Variants in FOXN3 observed in about 807,000 individuals in gnomAD.
FOXN3 encodes forkhead box protein N3.
In FOXN3, 7 loss-of-function variants were observed where a neutral mutation model predicts 38.4. The ratio of observed to expected loss-of-function variants is 0.18; its 90% CI spans 0.10 to 0.34. FOXN3 has a LOEUF of 0.34. Among genes scored for constraint, FOXN3 ranks in the 10% least tolerant of loss-of-function variants. The pLI, the probability that FOXN3 is intolerant of heterozygous loss-of-function variation, is 1.00. For missense variants in FOXN3, 456 were observed against 613.4 expected (o/e 0.74, Z 2.71); for synonymous variants, 230 against 242.2 (o/e 0.95, Z 0.47).
At chr14:89,539,171 G>C (rs7143042) in intron 1 of FOXN3, among the ~76,000 whole-genome samples, 2,527 of 152,172 alleles carry the variant, frequency 0.017, 78 homozygotes, top group African/African-American at 0.058. Flanking sequence ...TAAAAATTTA[G>C]TTGTATAATA....
chr14:89,238,529 C>T (rs539841878), intron 4 of FOXN3, among the ~76,000 whole-genome samples: 173 of 152,126 alleles, frequency 1.1e-3, no homozygotes, highest in Non-Finnish European at 2.1e-3. Context: ...GAGGAGTGTT[C>T]GGCAGCCTAC....
chr14:89,344,052 G>A (rs1326478992), intron 3 of FOXN3, among the ~76,000 whole-genome samples: 4 of 152,226 alleles, frequency 2.6e-5, no homozygotes, highest in East Asian at 3.9e-4. Context: ...GTGAGCCACC[G>A]CATCGAGCCG....
At chr14:89,448,451 C>T (rs929376189) in intron 1 of FOXN3, among the ~76,000 whole-genome samples, 3 of 151,964 alleles carry the variant, frequency 2.0e-5, no homozygotes, top group Admixed American at 2.0e-4. Flanking sequence ...ACCCTCCCTG[C>T]ACCACACCAT....
intron 2 of FOXN3, among the ~76,000 whole-genome samples, chr14:89,372,636 T>C (rs1890354179): frequency 1.3e-5 from 2 of 152,152 alleles, no homozygotes; most frequent in Admixed American, 1.3e-4. Context: ...CCACTGTTGT[T>C]ATTTACTAGG....
chr14:89,522,840 TAGTC>T (rs1018512422), intron 1 of FOXN3, among the ~76,000 whole-genome samples: 1 of 151,812 alleles, frequency 6.6e-6, no homozygotes, highest in Non-Finnish European at 1.5e-5. Flanking sequence ...AATAACAAGT[TAGTC>T]AGTTTAAACC....
intron 1 of FOXN3, among the ~76,000 whole-genome samples, chr14:89,495,336 A>C (rs1893658187): frequency 6.6e-6 from 1 of 152,252 alleles, no homozygotes; most frequent in Admixed American, 6.5e-5. Flanking sequence ...TGGCAAAATT[A>C]GCCTAGAAAA....
intron 5 of FOXN3, among the ~76,000 whole-genome samples, chr14:89,178,469 C>G (rs1887583339): frequency 6.6e-6 from 1 of 152,184 alleles, no homozygotes; most frequent in African/African-American, 2.4e-5. Context: ...ATTAAAGTCT[C>G]TCTGTTCAAT....
intron 4 of FOXN3, chr14:89,190,504 G>A: frequency 7.0e-7 from 1 of 1,433,042 alleles, no homozygotes; most frequent in Non-Finnish European, 9.8e-7. Context: ...GTGTGTGTGT[G>A]TGTTTTTCCC....
chr14:89,344,799 G>A (rs759649256), intron 3 of FOXN3, among the ~76,000 whole-genome samples: 92 of 152,272 alleles, frequency 6.0e-4, no homozygotes, highest in Admixed American at 1.2e-3. Context: ...GACTAGAACC[G>A]AGTGTAAAAT....
intron 1 of FOXN3, among the ~76,000 whole-genome samples, chr14:89,427,711 T>TA (rs1299242084): frequency 6.6e-6 from 1 of 151,882 alleles, no homozygotes. Flanking sequence ...ATCTTTGTAA[T>TA]AAAAAAATAA....
intron 1 of FOXN3, among the ~76,000 whole-genome samples, chr14:89,463,072 C>T (rs373352910): frequency 0.01 from 1,555 of 150,980 alleles, 24 homozygotes; most frequent in African/African-American, 0.034. Context: ...GGGCGGATCA[C>T]GAGGTCAGGA....
In FOXN3 at chr14:89,279,537, G is replaced by A. The variant is rs559881544; in HGVS notation, c.745+1413C>T. 1.4e-4 allele frequency among the ~76,000 whole-genome samples: 21 copies of A among 152,240 alleles called. No individual in the cohort carries two copies. The South Asian group carries it at 2.5e-3, about 18-fold the overall frequency. Reference sequence around the variant, plus strand: ...GCTATAGTTCTAGAGGAAAAATGACGCACATAACTTTGAAACTCACTTGAA... The same window carrying A: ...GCTATAGTTCTAGAGGAAAAATGACACACATAACTTTGAAACTCACTTGAA... On this transcript the variant is annotated intron_variant, in intron 4 of 5. Coordinates refer to ENST00000557258, the MANE Select transcript of FOXN3 (RefSeq NM_005197.4).
chr14:89,563,096 A>C (rs1016060859), intron 1 of FOXN3, among the ~76,000 whole-genome samples: 10 of 152,304 alleles, frequency 6.6e-5, no homozygotes, highest in Admixed American at 1.3e-4. Context: ...CCAAAACACA[A>C]ACTCTGTCTT....
chr14:89,462,550 A>G (rs1892868413), intron 1 of FOXN3, among the ~76,000 whole-genome samples: 1 of 152,170 alleles, frequency 6.6e-6, no homozygotes, highest in South Asian at 2.1e-4. Context: ...TCCAAGGTCA[A>G]TGGGCCACAT....
intron 3 of FOXN3, among the ~76,000 whole-genome samples, chr14:89,284,725 C>G (rs1297353634): frequency 6.6e-6 from 1 of 152,166 alleles, no homozygotes; most frequent in African/African-American, 2.4e-5. Flanking sequence ...ATAAGCCAGA[C>G]CAACTTTGTA....
At chr14:89,467,800 C>CTTTTTTTTTTTTTT (rs1383456566) in intron 1 of FOXN3, among the ~76,000 whole-genome samples, 4 of 57,898 alleles carry the variant, frequency 6.9e-5, no homozygotes, top group African/African-American at 1.1e-4. Flanking sequence ...TCTTTTCTTT[C>CTTTTTTTTTTTTTT]TTTGTTTTTT....
chr14:89,186,387 T>G (rs1887808982), intron 4 of FOXN3, among the ~76,000 whole-genome samples: 1 of 152,044 alleles, frequency 6.6e-6, no homozygotes, highest in Admixed American at 6.6e-5. Flanking sequence ...TATATAAGCC[T>G]TTGAAGATGA....
chr14:89,327,857 G>C (rs1285089693), intron 3 of FOXN3, among the ~76,000 whole-genome samples: 1 of 152,190 alleles, frequency 6.6e-6, no homozygotes, highest in East Asian at 1.9e-4. Flanking sequence ...CGTTAGAGAT[G>C]ATCTAGCCCA....
intron 1 of FOXN3, among the ~76,000 whole-genome samples, chr14:89,546,892 T>G (rs1417490547): frequency 6.6e-6 from 1 of 151,906 alleles, no homozygotes; most frequent in Non-Finnish European, 1.5e-5. Flanking sequence ...CAGGCAATTC[T>G]CCTGCCTCAG....
Sources: allele counts gnomAD v4.1 joint callset (sites outside exome capture counted in the v4.1 genomes callset), GRCh38; gene constraint gnomAD v4.1.1; transcripts MANE v1.5; gene names NCBI Gene and HGNC (gene_info 2026-07-23, HGNC 2026-07-21).